The following VWA8 variants were observed in gnomAD, a reference collection of about 807,000 sequenced individuals.
The protein encoded by VWA8 is von Willebrand factor A domain-containing protein 8.
VWA8 carries 221 observed loss-of-function variants against 241.5 expected under a neutral mutation model. That is an observed-to-expected ratio of 0.91 (90% CI 0.82 to 1.02). The LOEUF is 1.02. Ranked by LOEUF, VWA8 falls within the 50% of genes least tolerant of loss-of-function variation. VWA8 has a pLI of 0.00. For synonymous variants in VWA8, 852 were observed against 827.1 expected (o/e 1.03, Z -0.52); for missense variants, 2,322 against 2,328.7 (o/e 1.00, Z 0.06).
intron 1 of VWA8, among the ~76,000 whole-genome samples, chr13:41,954,131 C>T (rs560827377): frequency 5.8e-4 from 88 of 152,132 alleles, no homozygotes; most frequent in African/African-American, 2.0e-3. Flanking sequence ...CTACACTACA[C>T]TTTCCTCAGT....
intron 2 of VWA8, among the ~76,000 whole-genome samples, chr13:41,934,516 T>C (rs1877264967): frequency 1.3e-5 from 2 of 152,072 alleles, no homozygotes; most frequent in Admixed American, 1.3e-4. Context: ...AGAGCAGCTT[T>C]ATTTCTAAGA....
intron 43 of VWA8, 28 bp from the exon 44 acceptor site, chr13:41,570,734 C>T (rs763879743): frequency 6.3e-7 from 1 of 1,595,034 alleles, no homozygotes; most frequent in South Asian, 1.1e-5. Context: ...TGCACAAAAG[C>T]CATGGCTGAG....
At chr13:41,898,857 C>T (rs1875278671) in intron 4 of VWA8, among the ~76,000 whole-genome samples, 1 of 152,292 alleles carries the variant, frequency 6.6e-6, no homozygotes, top group African/African-American at 2.4e-5. Context: ...GCCTGCAGGG[C>T]CGGCCGGCTG....
intron 41 of VWA8, among the ~76,000 whole-genome samples, chr13:41,589,743 A>G (rs1380831749): frequency 1.3e-5 from 2 of 152,142 alleles, no homozygotes; most frequent in African/African-American, 4.8e-5. Context: ...CTGTCAACAC[A>G]CCTGGACAGA....
At chr13:41,816,648 C>A in intron 16 of VWA8, 50 bp downstream of exon 16, 1 of 1,525,926 alleles carries the variant, frequency 6.6e-7, no homozygotes, top group Non-Finnish European at 8.9e-7. Context: ...GAAAAGAAAA[C>A]CAGCAGCATG....
chr13:41,644,586 T>A (rs2044818860), intron 37 of VWA8, among the ~76,000 whole-genome samples: 1 of 152,178 alleles, frequency 6.6e-6, no homozygotes, highest in Non-Finnish European at 1.5e-5. Flanking sequence ...ATGGTCCCAG[T>A]GTGAGTGAGT....
At chr13:41,893,607 C>T (rs921065802) in intron 4 of VWA8, among the ~76,000 whole-genome samples, 3 of 152,058 alleles carry the variant, frequency 2.0e-5, no homozygotes, top group African/African-American at 4.8e-5. Context: ...AAATATTGGC[C>T]GGGCTCAGTG....
chr13:41,895,053 T>C (rs1415830720), intron 4 of VWA8, among the ~76,000 whole-genome samples: 1 of 151,832 alleles, frequency 6.6e-6, no homozygotes, highest in Non-Finnish European at 1.5e-5. Flanking sequence ...GAGGAGCTAG[T>C]AGAGGAATAC....
chr13:41,845,671 T>C (rs1872258729), intron 12 of VWA8, among the ~76,000 whole-genome samples: 1 of 151,846 alleles, frequency 6.6e-6, no homozygotes. Flanking sequence ...TGCAGCAACA[T>C]GGATGGAGCT....
intron 21 of VWA8, among the ~76,000 whole-genome samples, chr13:41,739,848 G>GTTTTTTTTTTTTTTTTTTTTTTTTTTTT (rs1179107917): frequency 2.9e-4 from 15 of 50,914 alleles, no homozygotes; most frequent in East Asian, 5.6e-4. Context: ...TGTTTTTTTT[G>GTTTTTTTTTTTTTTTTTTTTTTTTTTTT]TTTTTTTTGT....
chr13:41,704,125 T>C (rs1332510488), intron 26 of VWA8, among the ~76,000 whole-genome samples: 3 of 152,196 alleles, frequency 2.0e-5, no homozygotes, highest in South Asian at 2.1e-4. Flanking sequence ...CATTTGTATG[T>C]TGTATAGGGC....
At chr13:41,605,552 G>C (rs1279276034) in intron 39 of VWA8, among the ~76,000 whole-genome samples, 1 of 152,120 alleles carries the variant, frequency 6.6e-6, no homozygotes, top group Non-Finnish European at 1.5e-5. Flanking sequence ...TTGCCACCAT[G>C]ATCAGTTACA....
chr13:41,947,795 G>C lies in VWA8; in HGVS notation c.241+2141C>G, dbSNP rs114670040. Among the ~76,000 whole-genome samples, 257 of 151,918 alleles carry C rather than the reference G, an allele frequency of 1.7e-3. 2 individuals are homozygous for C. The highest frequency in any genetic ancestry group is 5.7e-3 in the African/African-American group (236 of 41,450). The stretch of plus-strand genomic sequence containing the variant: ...ACCAAAAAATACAAAAATTGCTGGG[G>C]ATGGTAACCTGCACCTATAGTCCCA... On this transcript the variant is annotated intron_variant, in intron 2 of 44. Coordinates refer to ENST00000379310, the MANE Select transcript of VWA8 (RefSeq NM_015058.2).
chr13:41,719,709 G>A lies in VWA8; in HGVS notation c.2998C>T (p.Arg1000Ter), dbSNP rs1000451330. 3.1e-6 allele frequency: 5 copies of A among 1,612,610 alleles called. No homozygotes were observed. Among genetic ancestry groups the A allele is most frequent in the Admixed American group, 1.7e-5 (1 of 59,826 alleles). The change falls in exon 26 of 45, where the codon CGA (arginine) becomes TGA (stop). Residue 1000 changes from arginine to a stop codon, truncating the protein, a stop_gained. Transcript: ENST00000379310. LOFTEE classifies it high-confidence loss of function. ...FPTEGLSSVVRNVFDFDSYNN... is the reference protein window; with the variant it reads ...FPTEGLSSVV ...TAGGAATCAAAGTCAAACACATTTC[G>A]AACTACACTGGAGAGACCTTCAGTC...
At chr13:41,784,729 T>TATATATATATATATATATAC in intron 18 of VWA8, among the ~76,000 whole-genome samples, 1 of 60,080 alleles carries the variant, frequency 1.7e-5, no homozygotes, top group African/African-American at 5.6e-5. Flanking sequence ...TATATATATA[T>TATATATATATATATATATAC]ACACACACAT....
intron 2 of VWA8, among the ~76,000 whole-genome samples, chr13:41,932,961 T>G (rs1282058921): frequency 6.6e-6 from 1 of 151,986 alleles, no homozygotes; most frequent in South Asian, 2.1e-4. Context: ...TATAATAAAT[T>G]ACATATTAAA....
chr13:41,812,679 T>C (rs1870524441), intron 16 of VWA8, among the ~76,000 whole-genome samples: 1 of 152,158 alleles, frequency 6.6e-6, no homozygotes. Context: ...TGGTTTGCTG[T>C]TAGTATTCTA....
intron 40 of VWA8, among the ~76,000 whole-genome samples, chr13:41,600,126 A>G (rs1428730687): frequency 6.6e-6 from 1 of 152,144 alleles, no homozygotes; most frequent in African/African-American, 2.4e-5. Context: ...GTTGTCTTTG[A>G]GAGGCGTCCC....
chr13:41,590,504 T>C, intron 41 of VWA8, 136 bp downstream of exon 41: 1 of 978,106 alleles, frequency 1.0e-6, no homozygotes, highest in South Asian at 2.4e-5. Flanking sequence ...TCTTCTTTTT[T>C]TTTTTTTTTA....
Sources: allele counts gnomAD v4.1 joint callset (sites outside exome capture counted in the v4.1 genomes callset), GRCh38; gene constraint gnomAD v4.1.1; transcripts MANE v1.5; gene names NCBI Gene and HGNC (gene_info 2026-07-23, HGNC 2026-07-21).